CDH20: variants seen among roughly 807,000 people sequenced by gnomAD.
The protein encoded by CDH20 is cadherin-20.
CDH20 carries 29 observed loss-of-function variants against 74.2 expected under a neutral mutation model. That is an observed-to-expected ratio of 0.39 (90% CI 0.29 to 0.53). The LOEUF (loss-of-function observed/expected upper bound fraction) is 0.53. CDH20 is among the 20% of genes least tolerant of loss of function. The probability of loss-of-function intolerance (pLI) is 0.69; values close to 1 mark genes in which losing one functional copy is unlikely to be tolerated. For missense variants in CDH20, 988 were observed against 1,048.3 expected (o/e 0.94, Z 0.79); for synonymous variants, 469 against 405.4 (o/e 1.16, Z -1.88).
rs558948277 is a variant in CDH20 at position 61,365,648 on chromosome 18, G to A, written c.-153+31821G>A. Among the ~76,000 whole-genome samples, 20 of 152,150 alleles carry A rather than the reference G, an allele frequency of 1.3e-4. No homozygotes were observed. In the South Asian group the frequency reaches 3.9e-3, roughly 30 times the overall value. Reference sequence around the variant, plus strand: ...GTCAGTTATGTATCAGAAAGATAAGGTTGCTGACTGTATAGCTGAAATGTT... The same window carrying A: ...GTCAGTTATGTATCAGAAAGATAAGATTGCTGACTGTATAGCTGAAATGTT... On this transcript the variant is annotated intron_variant, in intron 1 of 11. Transcript: ENST00000262717.
At chr18:61,466,772 A>C (rs1469248457) in intron 1 of CDH20, among the ~76,000 whole-genome samples, 1 of 152,194 alleles carries the variant, frequency 6.6e-6, no homozygotes, top group Non-Finnish European at 1.5e-5. Context: ...ACAACTACAG[A>C]GGTAACTCAG....
At chr18:61,531,070 G>A (rs574623048) in intron 7 of CDH20, among the ~76,000 whole-genome samples, 1 of 151,648 alleles carries the variant, frequency 6.6e-6, no homozygotes, top group Non-Finnish European at 1.5e-5. Context: ...TTTTCCATCT[G>A]TATCTACACC....
intron 1 of CDH20, among the ~76,000 whole-genome samples, chr18:61,454,941 C>G (rs1390971945): frequency 2.6e-5 from 4 of 152,186 alleles, no homozygotes; most frequent in Non-Finnish European, 4.4e-5. Context: ...GAACTGAGTA[C>G]TGATCCTGGC....
intron 1 of CDH20, among the ~76,000 whole-genome samples, chr18:61,396,053 T>TGTGTGTATGTGTG (rs1568123818): frequency 1.4e-5 from 2 of 142,748 alleles, no homozygotes; most frequent in African/African-American, 5.0e-5. Context: ...GTGTGTGTGT[T>TGTGTGTATGTGTG]TGTGTGTGTG....
At chr18:61,542,296 T>C (rs865838941) in intron 9 of CDH20, among the ~76,000 whole-genome samples, 1 of 152,288 alleles carries the variant, frequency 6.6e-6, no homozygotes, top group Middle Eastern at 3.4e-3. Context: ...ATTAGTCTCC[T>C]GGCCCTCACC....
At chr18:61,355,841 C>A (rs974770102) in intron 1 of CDH20, among the ~76,000 whole-genome samples, 1 of 152,026 alleles carries the variant, frequency 6.6e-6, no homozygotes, top group African/African-American at 2.4e-5. Flanking sequence ...AATCCATAGA[C>A]TAATGTAGTA....
chr18:61,414,104 G>A (rs1413222297), intron 1 of CDH20, among the ~76,000 whole-genome samples: 1 of 152,100 alleles, frequency 6.6e-6, no homozygotes, highest in Admixed American at 6.5e-5. Flanking sequence ...CTTGTAGACT[G>A]CATGGTCCCT....
chr18:61,445,442 A>G (rs544549990), intron 1 of CDH20, among the ~76,000 whole-genome samples: 33 of 152,354 alleles, frequency 2.2e-4, no homozygotes, highest in Admixed American at 7.2e-4. Context: ...AATAAAAAGA[A>G]TAGCCACAAT....
chr18:61,355,436 C>G (rs1173788055), intron 1 of CDH20, among the ~76,000 whole-genome samples: 1 of 152,180 alleles, frequency 6.6e-6, no homozygotes, highest in Non-Finnish European at 1.5e-5. Flanking sequence ...CTAACAATGA[C>G]CAGTAGCTAC....
chr18:61,391,569 T>G (rs1833585625), intron 1 of CDH20: 1 of 152,220 alleles, frequency 6.6e-6, no homozygotes. Flanking sequence ...GAGATCAACA[T>G]TTTTGAAATG....
At chr18:61,510,364 G>A (rs1448652539) in intron 6 of CDH20, among the ~76,000 whole-genome samples, 1 of 152,126 alleles carries the variant, frequency 6.6e-6, no homozygotes, top group Non-Finnish European at 1.5e-5. Flanking sequence ...GGGATGGAGT[G>A]ATCACCTGTG....
intron 1 of CDH20, among the ~76,000 whole-genome samples, chr18:61,450,005 G>T (rs1410779246): frequency 6.6e-6 from 1 of 151,868 alleles, no homozygotes; most frequent in Non-Finnish European, 1.5e-5. Context: ...TACTTACTAG[G>T]TATCAATATT....
At chr18:61,346,984 T>TG (rs1399958331) in intron 1 of CDH20, among the ~76,000 whole-genome samples, 2 of 152,164 alleles carry the variant, frequency 1.3e-5, no homozygotes, top group South Asian at 2.1e-4. Context: ...TATCTTCTGC[T>TG]GGGTGTACCA....
At chr18:61,550,977 T>C (rs150952191) in intron 11 of CDH20, among the ~76,000 whole-genome samples, 191 of 152,314 alleles carry the variant, frequency 1.3e-3, no homozygotes, top group Non-Finnish European at 2.4e-3. Flanking sequence ...ACCATGGCCA[T>C]CTAACCAGGA....
At chr18:61,449,162 A>G (rs1909298248) in intron 1 of CDH20, among the ~76,000 whole-genome samples, 1 of 152,104 alleles carries the variant, frequency 6.6e-6, no homozygotes, top group African/African-American at 2.4e-5. Flanking sequence ...ACCTATAACG[A>G]CCTCATTTAA....
intron 1 of CDH20, among the ~76,000 whole-genome samples, chr18:61,363,935 A>T (rs1273257957): frequency 1.3e-5 from 2 of 152,206 alleles, no homozygotes; most frequent in Non-Finnish European, 2.9e-5. Flanking sequence ...AGAGAGAATG[A>T]AAAGAAGAAA....
intron 2 of CDH20, among the ~76,000 whole-genome samples, chr18:61,491,785 C>T (rs911115107): frequency 6.6e-6 from 1 of 152,092 alleles, no homozygotes; most frequent in African/African-American, 2.4e-5. Flanking sequence ...ACTGCCCAAT[C>T]ACACCTCCCA....
At chr18:61,490,163 C>T (rs1910904051) in intron 1 of CDH20, among the ~76,000 whole-genome samples, 1 of 152,094 alleles carries the variant, frequency 6.6e-6, no homozygotes, top group Non-Finnish European at 1.5e-5. Context: ...GAAATTTATT[C>T]ATCAGTTTTA....
At chr18:61,469,180 T>G (rs1031262377) in intron 1 of CDH20, among the ~76,000 whole-genome samples, 34 of 152,324 alleles carry the variant, frequency 2.2e-4, no homozygotes, top group African/African-American at 7.7e-4. Context: ...TGTCAGCCTC[T>G]GCTTCAGATC....
Sources: gnomAD v4.1 joint callset for allele counts (sites outside exome capture counted in the v4.1 genomes callset) on GRCh38, gnomAD v4.1.1 for gene constraint, MANE v1.5 for transcripts, NCBI Gene and HGNC (gene_info 2026-07-23, HGNC 2026-07-21) for gene names.